TRPM3: variants seen among roughly 807,000 people sequenced by gnomAD.
The protein encoded by TRPM3 is long transient receptor potential channel 3.
A neutral mutation model predicts 181.2 loss-of-function variants in TRPM3; 77 were observed. The ratio of observed to expected loss-of-function variants is 0.42; its 90% CI spans 0.35 to 0.51. The LOEUF (loss-of-function observed/expected upper bound fraction) is 0.51, where lower values mean the gene tolerates loss of function less well. Among genes scored for constraint, TRPM3 ranks in the 20% least tolerant of loss-of-function variants. TRPM3 has a pLI of 0.01. For missense variants in TRPM3, 1,759 were observed against 2,196.7 expected, an observed-to-expected ratio of 0.80 and a Z score of 3.98; for synonymous variants, 745 against 796.4, an observed-to-expected ratio of 0.94 and a Z score of 1.09.
chr9:70,769,190 G>C (rs1434705986), intron 7 of TRPM3, among the ~76,000 whole-genome samples: 1 of 152,100 alleles, frequency 6.6e-6, no homozygotes, highest in African/African-American at 2.4e-5. Flanking sequence ...CAGAATTTAA[G>C]ATTTGTCTAT....
chr9:70,668,931 T>C lies in TRPM3; in HGVS notation c.1345+12575A>G, dbSNP rs1172881500. ...AGCAAGCCAAGAAAGAAAAGTATGA[T>C]TCCATAGCCCTGCTGGGAAGTCGGC... On this transcript the variant is annotated intron_variant, in intron 9 of 25. Transcript: ENST00000677713. 2.6e-5 allele frequency among the ~76,000 whole-genome samples: 4 copies of C among 152,184 alleles called. No homozygotes were observed. In the East Asian group the frequency reaches 7.7e-4, roughly 29 times the overall value.
intron 1 of TRPM3, among the ~76,000 whole-genome samples, chr9:71,192,928 T>C (rs375152367): frequency 5.3e-5 from 8 of 151,866 alleles, no homozygotes; most frequent in African/African-American, 1.7e-4. Flanking sequence ...AGTGTATAAA[T>C]AGGCCAAGAC....
At chr9:70,938,997 A>T (rs894929090) in intron 1 of TRPM3, among the ~76,000 whole-genome samples, 1 of 146,260 alleles carries the variant, frequency 6.8e-6, no homozygotes, top group African/African-American at 2.4e-5. Flanking sequence ...AAATAAAAAA[A>T]AAACATTCAT....
chr9:70,567,412 A>G (rs1324395596), intron 22 of TRPM3, among the ~76,000 whole-genome samples: 1 of 152,270 alleles, frequency 6.6e-6, no homozygotes, highest in Non-Finnish European at 1.5e-5. Context: ...AAGATCAACT[A>G]AGTTGATAAT....
At chr9:71,308,284 A>T (rs1483300382) in intron 1 of TRPM3, among the ~76,000 whole-genome samples, 1 of 151,946 alleles carries the variant, frequency 6.6e-6, no homozygotes, top group Non-Finnish European at 1.5e-5. Context: ...TTGTTTCTTT[A>T]AAAAAAACCT....
chr9:71,059,815 A>G (rs992490480), intron 1 of TRPM3, among the ~76,000 whole-genome samples: 1 of 152,058 alleles, frequency 6.6e-6, no homozygotes, highest in African/African-American at 2.4e-5. Context: ...AACAAATTAT[A>G]CGAGCCAATC....
chr9:70,854,995 T>G (rs2095349524), intron 3 of TRPM3, among the ~76,000 whole-genome samples: 1 of 152,222 alleles, frequency 6.6e-6, no homozygotes, highest in South Asian at 2.1e-4. Context: ...GAGATTTTCT[T>G]TCATTCAAAT....
At chr9:70,796,624 G>T (rs13299941) in intron 6 of TRPM3, among the ~76,000 whole-genome samples, 5 of 152,076 alleles carry the variant, frequency 3.3e-5, no homozygotes, top group Admixed American at 3.3e-4. Flanking sequence ...CAACTATGAT[G>T]GTATTAAAGA....
At chr9:70,930,567 G>A (rs1353069845) in intron 1 of TRPM3, among the ~76,000 whole-genome samples, 1 of 152,120 alleles carries the variant, frequency 6.6e-6, no homozygotes, top group Non-Finnish European at 1.5e-5. Flanking sequence ...CTCACAATAA[G>A]TAAAATGTTA....
chr9:71,180,453 C>T (rs1238327801), intron 1 of TRPM3, among the ~76,000 whole-genome samples: 1 of 152,106 alleles, frequency 6.6e-6, no homozygotes, highest in Non-Finnish European at 1.5e-5. Flanking sequence ...CCCTAAGAAT[C>T]CATTTTTAGG....
intron 1 of TRPM3, among the ~76,000 whole-genome samples, chr9:71,094,973 A>G (rs2066885310): frequency 6.6e-6 from 1 of 152,172 alleles, no homozygotes; most frequent in South Asian, 2.1e-4. Flanking sequence ...GAAAGCACGC[A>G]TAGCTCTAGA....
rs116935867 is a variant in TRPM3, at chr9:70,975,675, G to A, written c.178-111164C>T. Among the ~76,000 whole-genome samples the A allele has an allele frequency of 1.0e-2, 1,521 of 152,270 alleles. 21 individuals carry two copies. Among genetic ancestry groups the A allele is most frequent in the Non-Finnish European group, 0.012 (792 of 68,014 alleles). The stretch of plus-strand genomic sequence containing the variant: ...AAAGGTTAAAGATTTGCATTCTGAG[G>A]TGTTAGAGTCACCTAGGGGCTCACC... On this transcript the variant is annotated intron_variant, in intron 1 of 25. Transcript: ENST00000677713.
At position 71,378,508 on chromosome 9, in the gene TRPM3, A is replaced by G. The variant is rs140505636; in HGVS notation, c.183+68145T>C. On this transcript the variant is annotated intron_variant, in intron 1 of 24. Transcript: ENST00000357533. The stretch of plus-strand genomic sequence containing the variant: ...CTGTGCTATCATTTTCCTGGTTCTG[A>G]CAACATGAAAGTGCTATTCAGTCAA... Among the ~76,000 whole-genome samples the G allele has an allele frequency of 2.0e-5, 3 of 152,202 alleles. No homozygotes were observed. In the East Asian group the frequency reaches 5.8e-4, roughly 29 times the overall value.
intron 7 of TRPM3, among the ~76,000 whole-genome samples, chr9:70,763,770 T>C (rs1273927264): frequency 7.2e-5 from 11 of 152,142 alleles, no homozygotes; most frequent in Non-Finnish European, 1.5e-5. Flanking sequence ...AGTAGAAAGA[T>C]GTGAATCAGC....
chr9:70,890,449 A>G (rs968310981), intron 1 of TRPM3, among the ~76,000 whole-genome samples: 8 of 152,132 alleles, frequency 5.3e-5, no homozygotes, highest in African/African-American at 1.9e-4. Flanking sequence ...ATTGCAGAAC[A>G]TAAATTTCCA....
At chr9:70,897,517 C>T (rs1286221343) in intron 1 of TRPM3, among the ~76,000 whole-genome samples, 1 of 151,934 alleles carries the variant, frequency 6.6e-6, no homozygotes, top group Non-Finnish European at 1.5e-5. Context: ...TTCAATTTCC[C>T]AACAATTCTG....
chr9:70,565,199 G>T (rs12351436), intron 22 of TRPM3, among the ~76,000 whole-genome samples: 13,143 of 152,258 alleles, frequency 0.086, 798 homozygotes, highest in African/African-American at 0.18. Context: ...CTTGTATAGT[G>T]GGCTAACAAC....
chr9:71,301,836 C>T (rs2086803294), intron 1 of TRPM3, among the ~76,000 whole-genome samples: 1 of 152,082 alleles, frequency 6.6e-6, no homozygotes, highest in Admixed American at 6.6e-5. Flanking sequence ...TACACATAAG[C>T]TATTAATGTA....
At chr9:71,271,808 TGAACAGTAACA>T (rs1432520384) in intron 1 of TRPM3, among the ~76,000 whole-genome samples, 2 of 152,068 alleles carry the variant, frequency 1.3e-5, no homozygotes, top group Non-Finnish European at 2.9e-5. Flanking sequence ...TTCCACCTGA[TGAACAGTAACA>T]GAAGCTGTCT....
Sources: allele counts gnomAD v4.1 joint callset (sites outside exome capture counted in the v4.1 genomes callset), GRCh38; gene constraint gnomAD v4.1.1; transcripts MANE v1.5; gene names NCBI Gene and HGNC (gene_info 2026-07-23, HGNC 2026-07-21).